Variants in MALRD1 observed in about 807,000 individuals in gnomAD.
The protein encoded by MALRD1 is MAM and LDL receptor class A domain containing 1.
Under a neutral mutation model 242.1 loss-of-function variants are expected in MALRD1, and 247 were observed. That is an observed-to-expected ratio of 1.02 (90% CI 0.92 to 1.13). MALRD1 has a LOEUF of 1.13. Among genes scored for constraint, MALRD1 ranks in the 50% most tolerant of loss-of-function variants. The pLI is 0.00. For missense variants in MALRD1, 2,989 were observed against 2,533.1 expected, an observed-to-expected ratio of 1.18 and a Z score of -3.86; for synonymous variants, 995 against 866.6, an observed-to-expected ratio of 1.15 and a Z score of -2.60.
rs1004167230 is a variant in MALRD1 at position 19,677,335 on chromosome 10, A to G, written c.6138-14947A>G. On this transcript the variant is annotated intron_variant, in intron 36 of 39. Transcript: ENST00000454679. ...GTCTCACAGCATCTGTAGTTTCTTG[A>G]CTTTTTAATAATCTCCATTCTGACT... Among the ~76,000 whole-genome samples the G allele has an allele frequency of 1.2e-4, 19 of 152,202 alleles. 1 individual carries two copies. The highest frequency in any genetic ancestry group is 2.6e-4 in the Non-Finnish European group (18 of 67,996).
At chr10:19,111,253 A>G (rs1836670149) in intron 5 of MALRD1, among the ~76,000 whole-genome samples, 1 of 152,234 alleles carries the variant, frequency 6.6e-6, no homozygotes. Flanking sequence ...GTGAGATTTC[A>G]GAAAGATGAA....
intron 32 of MALRD1, among the ~76,000 whole-genome samples, chr10:19,534,496 T>C (rs904918597): frequency 1.3e-5 from 2 of 152,194 alleles, no homozygotes; most frequent in Non-Finnish European, 2.9e-5. Context: ...AAAGGAGATG[T>C]GGACCCATGT....
At chr10:19,621,221 C>T (rs1839385062) in intron 36 of MALRD1, among the ~76,000 whole-genome samples, 1 of 151,370 alleles carries the variant, frequency 6.6e-6, no homozygotes. Context: ...AAATAAAATA[C>T]ATCAAGACCT....
Position 19,154,635 on chromosome 10 carries a change from C to A in MALRD1, c.1559-440C>A, listed in dbSNP as rs77910158. Among the ~76,000 whole-genome samples the A allele has an allele frequency of 2.2e-3, 334 of 152,294 alleles. 7 individuals carry two copies. The East Asian group carries it at 0.049, about 22-fold the overall frequency. On this transcript the variant is annotated intron_variant, in intron 11 of 39. Coordinates refer to ENST00000454679, the MANE Select transcript of MALRD1 (RefSeq NM_001142308.3). ...AAGCTTTAATCCCCTCTAGCACAGA[C>A]AACAATGTCAAACATGTAAGACCCA...
chr10:19,359,937 C>T (rs1844817888), intron 26 of MALRD1, among the ~76,000 whole-genome samples: 1 of 152,024 alleles, frequency 6.6e-6, no homozygotes, highest in African/African-American at 2.4e-5. Context: ...TTGCAAATGC[C>T]ATGATAAACA....
rs370860301 is a variant in MALRD1 at position 19,080,524 on chromosome 10, T to A, written c.341-7316T>A. 1.4e-3 allele frequency among the ~76,000 whole-genome samples: 212 copies of A among 152,128 alleles called. 1 individual carries two copies. Among genetic ancestry groups the A allele is most frequent in the African/African-American group, 4.7e-3 (196 of 41,518 alleles). The stretch of plus-strand genomic sequence containing the variant: ...CAAAAACAAGCTATGGGGAAAGGAT[T>A]CCCTATTTAACAAATGGTGCTGGGA... On this transcript the variant is annotated intron_variant, in intron 2 of 39. Transcript: ENST00000454679.
chr10:19,699,294 G>A (rs1329790296), intron 38 of MALRD1, among the ~76,000 whole-genome samples: 1 of 145,276 alleles, frequency 6.9e-6, no homozygotes, highest in Non-Finnish European at 1.5e-5. Context: ...AGGGAAAGGA[G>A]GGAAAGGAGG....
chr10:19,349,759 C>A (rs1183089128), intron 25 of MALRD1, among the ~76,000 whole-genome samples: 1 of 151,976 alleles, frequency 6.6e-6, no homozygotes, highest in African/African-American at 2.4e-5. Flanking sequence ...GTCTTATAAA[C>A]CTAATTAAAT....
intron 25 of MALRD1, among the ~76,000 whole-genome samples, chr10:19,351,748 A>G (rs891278012): frequency 2.0e-5 from 3 of 152,102 alleles, no homozygotes; most frequent in Non-Finnish European, 4.4e-5. Context: ...ACAGAAAGAA[A>G]GTAAACTCAG....
chr10:19,107,596 C>T (rs562831927), intron 5 of MALRD1, among the ~76,000 whole-genome samples: 121 of 147,416 alleles, frequency 8.2e-4, no homozygotes, highest in Admixed American at 2.6e-3. Flanking sequence ...CTCATCCACT[C>T]TATATATTTT....
intron 32 of MALRD1, among the ~76,000 whole-genome samples, chr10:19,535,629 A>G (rs992491231): frequency 4.6e-5 from 7 of 151,858 alleles, no homozygotes; most frequent in Admixed American, 3.3e-4. Context: ...ATACACTACA[A>G]TGGTTAAAAT....
intron 28 of MALRD1, among the ~76,000 whole-genome samples, chr10:19,439,339 T>A (rs983872218): frequency 6.6e-6 from 1 of 151,982 alleles, no homozygotes; most frequent in South Asian, 2.1e-4. Context: ...AAAACCAGCC[T>A]GGGCAACATA....
intron 38 of MALRD1, among the ~76,000 whole-genome samples, chr10:19,709,934 T>C (rs896238878): frequency 6.6e-6 from 1 of 152,154 alleles, no homozygotes; most frequent in South Asian, 2.1e-4. Flanking sequence ...TTGTGCGTCT[T>C]GCATCTTCCC....
chr10:19,472,573 C>A (rs1173160921), intron 29 of MALRD1, among the ~76,000 whole-genome samples: 2 of 151,946 alleles, frequency 1.3e-5, no homozygotes, highest in African/African-American at 2.4e-5. Flanking sequence ...CTGATTCAAT[C>A]TCTTTACTCA....
At chr10:19,551,601 A>T (rs1475719491) in intron 32 of MALRD1, among the ~76,000 whole-genome samples, 1 of 152,044 alleles carries the variant, frequency 6.6e-6, no homozygotes, top group Non-Finnish European at 1.5e-5. Context: ...TTATTTCTTT[A>T]TCTTTCCCAA....
At chr10:19,345,560 A>G (rs554939317) in intron 24 of MALRD1, among the ~76,000 whole-genome samples, 25 of 142,134 alleles carry the variant, frequency 1.8e-4, no homozygotes, top group African/African-American at 5.0e-4. Context: ...CTATTCTAGG[A>G]AAAAAAAAAT....
At chr10:19,623,184 A>G (rs1564492500) in intron 36 of MALRD1, among the ~76,000 whole-genome samples, 1 of 152,090 alleles carries the variant, frequency 6.6e-6, no homozygotes, top group Admixed American at 6.6e-5. Context: ...TTTTTTAATG[A>G]CAAAAAATAC....
At chr10:19,491,754 C>G in intron 30 of MALRD1, 109 bp downstream of exon 30, 2 of 1,252,824 alleles carry the variant, frequency 1.6e-6, no homozygotes, top group Non-Finnish European at 2.2e-6. Context: ...TTTTCATGCA[C>G]TAGAGTAGAT....
At chr10:19,713,304 A>G (rs962115361) in intron 38 of MALRD1, among the ~76,000 whole-genome samples, 2 of 152,220 alleles carry the variant, frequency 1.3e-5, no homozygotes, top group African/African-American at 4.8e-5. Context: ...CTGTTCTTAT[A>G]CTTATCTGAT....
Sources: allele counts gnomAD v4.1 joint callset (sites outside exome capture counted in the v4.1 genomes callset), GRCh38; gene constraint gnomAD v4.1.1; transcripts MANE v1.5; gene names NCBI Gene and HGNC (gene_info 2026-07-23, HGNC 2026-07-21).